EML6: variants seen among roughly 807,000 people sequenced by gnomAD.
The protein encoded by EML6 is EMAP like 6.
A neutral mutation model predicts 240.1 loss-of-function variants in EML6; 154 were observed. That is an observed-to-expected ratio of 0.64 (90% CI 0.56 to 0.73). The LOEUF (loss-of-function observed/expected upper bound fraction) is 0.73. Among genes scored for constraint, EML6 ranks in the 30% least tolerant of loss-of-function variants. EML6 has a pLI of 0.00. For synonymous variants in EML6, 1,148 were observed against 899.0 expected (o/e 1.28, Z -4.95); for missense variants, 2,964 against 2,474.6 (o/e 1.20, Z -4.20).
chr2:54,965,201 G>A (rs1676693775), intron 38 of EML6, among the ~76,000 whole-genome samples: 1 of 152,222 alleles, frequency 6.6e-6, no homozygotes, highest in African/African-American at 2.4e-5. Context: ...CGGTGGAAGG[G>A]AGGGAGAGGG....
rs561284973 is a variant in EML6 at position 54,776,716 on chromosome 2, C to A, written c.198-36516C>A. Reference sequence around the variant, plus strand: ...TCTACTAGAAAAAAGAATGTCTCCTCCCTCCCCTCCTGTGCCACCCCACCC... The same window carrying A: ...TCTACTAGAAAAAAGAATGTCTCCTACCTCCCCTCCTGTGCCACCCCACCC... On this transcript the variant is annotated intron_variant, in intron 2 of 41. Transcript: ENST00000356458. Among the ~76,000 whole-genome samples, 16 of 152,168 alleles carry A rather than the reference C, an allele frequency of 1.1e-4. 1 individual carries two copies. The South Asian group carries it at 3.3e-3, about 32-fold the overall frequency.
At chr2:54,849,311 G>A (rs1669942072) in intron 9 of EML6, among the ~76,000 whole-genome samples, 1 of 152,172 alleles carries the variant, frequency 6.6e-6, no homozygotes, top group South Asian at 2.1e-4. Context: ...ATATCTGATA[G>A]ATTATTATAA....
chr2:54,826,145 C>G lies in EML6; in HGVS notation c.526-1421C>G, dbSNP rs76230218. On this transcript the variant is annotated intron_variant, in intron 5 of 41. Coordinates refer to ENST00000356458, the MANE Select transcript of EML6 (RefSeq NM_001039753.4). ...ACAAAGATTTCAGTATTTTTTCTAA[C>G]CCCATTGAACCCTTATCTTCAGTGA... 4.4e-3 allele frequency among the ~76,000 whole-genome samples: 663 copies of G among 152,270 alleles called. 6 individuals are homozygous for G. The highest frequency in any genetic ancestry group is 0.015 in the African/African-American group (624 of 41,546).
At chr2:54,839,639 A>G (rs1669335607) in intron 7 of EML6, among the ~76,000 whole-genome samples, 2 of 152,174 alleles carry the variant, frequency 1.3e-5, no homozygotes, top group Non-Finnish European at 2.9e-5. Flanking sequence ...GTTCAGTGGA[A>G]CCCTTTTTCA....
At chr2:54,801,038 AG>A in intron 2 of EML6, among the ~76,000 whole-genome samples, 1 of 152,190 alleles carries the variant, frequency 6.6e-6, no homozygotes, top group East Asian at 1.9e-4. Context: ...TCGCTCATTG[AG>A]GCCGGGTGCA....
chr2:54,805,808 C>A (rs1670439849), intron 2 of EML6, among the ~76,000 whole-genome samples: 1 of 152,006 alleles, frequency 6.6e-6, no homozygotes, highest in African/African-American at 2.4e-5. Flanking sequence ...AGCTCTTATA[C>A]TTTTTGAGTT....
chr2:54,736,346 C>T (rs772629893), intron 2 of EML6, among the ~76,000 whole-genome samples: 6 of 152,298 alleles, frequency 3.9e-5, no homozygotes, highest in South Asian at 2.1e-4. Context: ...GAAGAGGGAG[C>T]GTGGCATTGT....
At chr2:54,957,704 T>C in intron 32 of EML6, 86 bp from the exon 33 acceptor site, 1 of 1,197,152 alleles carries the variant, frequency 8.4e-7, no homozygotes, top group South Asian at 1.3e-5. Context: ...TTACGCCTGC[T>C]GGGGTGGAGA....
chr2:54,944,748 C>A (rs1322852895), intron 28 of EML6, among the ~76,000 whole-genome samples: 1 of 152,070 alleles, frequency 6.6e-6, no homozygotes, highest in East Asian at 1.9e-4. Context: ...TGAATCCTTT[C>A]CATCACCCCA....
At chr2:54,786,380 A>G (rs1669089362) in intron 2 of EML6, among the ~76,000 whole-genome samples, 1 of 152,172 alleles carries the variant, frequency 6.6e-6, no homozygotes, top group Non-Finnish European at 1.5e-5. Context: ...TTACATAAGC[A>G]GAAAGTCACT....
intron 2 of EML6, among the ~76,000 whole-genome samples, chr2:54,749,875 A>G (rs773161279): frequency 2.6e-5 from 4 of 152,206 alleles, no homozygotes; most frequent in African/African-American, 7.2e-5. Context: ...ATATTTTTCA[A>G]AGAAAAATAA....
chr2:54,909,014 ATTACT>A (rs1294578396), intron 24 of EML6, among the ~76,000 whole-genome samples: 4 of 152,214 alleles, frequency 2.6e-5, no homozygotes, highest in African/African-American at 9.6e-5. Flanking sequence ...GCAATCATAA[ATTACT>A]TCACTGAGAG....
intron 2 of EML6, among the ~76,000 whole-genome samples, chr2:54,752,983 T>G (rs1685920737): frequency 6.6e-6 from 1 of 152,188 alleles, no homozygotes; most frequent in South Asian, 2.1e-4. Context: ...GAGGCGGGGT[T>G]TCACCATGTT....
chr2:54,871,615 A>C lies in EML6; in HGVS notation c.2344+10A>C. 1.3e-6 allele frequency: 2 copies of C among 1,526,798 alleles called. No individual in the cohort carries two copies. The highest frequency in any genetic ancestry group is 1.8e-6 in the Non-Finnish European group (2 of 1,124,124). 94.6% of individuals were successfully genotyped at this position (1,526,798 alleles called of 1,614,324 possible). A position where few individuals can be genotyped will look rare whatever the true frequency, so the allele number is the denominator to read the frequency against. ...GCACTTGATTTTTCAGGTAAGGTCC[A>C]GAGTGATTGACACATGGTTCTACGT... is the stretch of plus-strand genomic sequence containing the variant. On this transcript the variant is annotated intron_variant, in intron 16 of 41. Coordinates refer to ENST00000356458, the MANE Select transcript of EML6 (RefSeq NM_001039753.4).
chr2:54,761,968 T>C (rs1668000004), intron 2 of EML6, among the ~76,000 whole-genome samples: 1 of 152,156 alleles, frequency 6.6e-6, no homozygotes, highest in African/African-American at 2.4e-5. Context: ...AACCACAGTA[T>C]GGTTATTAAA....
intron 25 of EML6, among the ~76,000 whole-genome samples, chr2:54,913,106 C>CCATTCTGAA (rs1673732114): frequency 6.9e-6 from 1 of 143,974 alleles, no homozygotes; most frequent in Non-Finnish European, 1.5e-5. Context: ...TTAATAATAG[C>CCATTCTGAA]CATTCTGAAG....
chr2:54,906,745 C>A (rs1396857363), intron 24 of EML6, among the ~76,000 whole-genome samples: 2 of 152,166 alleles, frequency 1.3e-5, no homozygotes, highest in African/African-American at 2.4e-5. Context: ...CTCCACTAGC[C>A]ATGAGACATG....
intron 2 of EML6, among the ~76,000 whole-genome samples, chr2:54,758,887 A>G (rs1218269280): frequency 6.6e-6 from 1 of 151,846 alleles, no homozygotes; most frequent in Admixed American, 6.6e-5. Flanking sequence ...AGGGTAATGC[A>G]GGGGTGCTCT....
chr2:54,792,850 A>G (rs1669527595), intron 2 of EML6, among the ~76,000 whole-genome samples: 1 of 152,260 alleles, frequency 6.6e-6, no homozygotes, highest in African/African-American at 2.4e-5. Flanking sequence ...TGTTATGAGG[A>G]CATACGGATT....
Sources: allele counts gnomAD v4.1 joint callset (sites outside exome capture counted in the v4.1 genomes callset), GRCh38; gene constraint gnomAD v4.1.1; transcripts MANE v1.5; gene names NCBI Gene and HGNC (gene_info 2026-07-23, HGNC 2026-07-21).